Variants in LRRC37A2 observed in about 807,000 individuals in gnomAD.
LRRC37A2 encodes the protein leucine rich repeat containing 37 member A2.
A neutral mutation model predicts 68.8 loss-of-function variants in LRRC37A2; 9 were observed. The observed-to-expected ratio is 0.13, with a 90% confidence interval of 0.08 to 0.23. LRRC37A2 has a LOEUF of 0.23. Ranked by LOEUF, LRRC37A2 falls within the 10% of genes least tolerant of loss-of-function variation. LRRC37A2 has a pLI of 1.00. For missense variants in LRRC37A2, 168 were observed against 950.4 expected (o/e 0.18, Z 10.82); for synonymous variants, 63 against 367.6 (o/e 0.17, Z 9.48).
chr17:46,550,956 C>T (rs532589283), intron 11 of LRRC37A2, among the ~76,000 whole-genome samples: 3 of 149,370 alleles, frequency 2.0e-5, no homozygotes, highest in African/African-American at 7.7e-5. Flanking sequence ...GTCTTGTAGA[C>T]TTATTAGATT....
chr17:46,939,308 T>C, the LRRC37A2 span: 3 of 1,013,182 alleles, frequency 3.0e-6, no homozygotes, highest in East Asian at 1.7e-4. Flanking sequence ...CCAATACTTG[T>C]CACCATTCCC....
chr17:46,881,897 C>T, the LRRC37A2 span, among the ~76,000 whole-genome samples: 1 of 152,222 alleles, frequency 6.6e-6, no homozygotes, highest in Non-Finnish European at 1.5e-5. Context: ...AACAGAACCA[C>T]AAGGCCATCA....
chr17:46,951,178 G>C, the LRRC37A2 span, among the ~76,000 whole-genome samples: 1 of 152,162 alleles, frequency 6.6e-6, no homozygotes, highest in Non-Finnish European at 1.5e-5. Context: ...GCCAGACCAC[G>C]CTGTCCCTAG....
the LRRC37A2 span, among the ~76,000 whole-genome samples, chr17:46,915,751 T>A: frequency 2.0e-5 from 3 of 152,212 alleles, no homozygotes; most frequent in Admixed American, 2.0e-4. Context: ...GTTGGCCAAA[T>A]GCCCTGAGGC....
intron 8 of LRRC37A2, among the ~76,000 whole-genome samples, chr17:46,541,207 A>T (rs917827535): frequency 5.4e-5 from 8 of 148,430 alleles, no homozygotes; most frequent in African/African-American, 2.1e-4. Context: ...AAATGAAATC[A>T]TATAGCACAT....
the LRRC37A2 span, among the ~76,000 whole-genome samples, chr17:46,912,360 T>G: frequency 5.5e-4 from 84 of 152,346 alleles, 1 homozygote; most frequent in East Asian, 0.015. Context: ...ATTCTTTCCC[T>G]CCTCAGGGCT....
the LRRC37A2 span, among the ~76,000 whole-genome samples, chr17:46,741,028 G>T: frequency 6.6e-6 from 1 of 152,166 alleles, no homozygotes; most frequent in Non-Finnish European, 1.5e-5. Flanking sequence ...TATGGGGCTT[G>T]TGGGGGCAGG....
the LRRC37A2 span, among the ~76,000 whole-genome samples, chr17:46,467,136 T>G: frequency 1.6e-5 from 1 of 61,796 alleles, no homozygotes; most frequent in African/African-American, 8.1e-5. Context: ...AAAGACTTCA[T>G]TCTTCTATTT....
chr17:46,984,115 A>T, the LRRC37A2 span: 2 of 152,262 alleles, frequency 1.3e-5, no homozygotes, highest in Non-Finnish European at 2.9e-5. Flanking sequence ...AGTGAAACAC[A>T]TCAGTTCTTA....
chr17:46,925,897 T>C, the LRRC37A2 span, among the ~76,000 whole-genome samples: 1 of 152,310 alleles, frequency 6.6e-6, no homozygotes, highest in South Asian at 2.1e-4. Context: ...CACTTAAATG[T>C]TTAATTTAGA....
chr17:46,932,595 G>A, the LRRC37A2 span: 7 of 428,134 alleles, frequency 1.6e-5, no homozygotes, highest in South Asian at 7.2e-5. Flanking sequence ...CCATTGTGCC[G>A]AGTATGTGTG....
At chr17:46,497,638 T>A in the LRRC37A2 span, among the ~76,000 whole-genome samples, 1 of 150,612 alleles carries the variant, frequency 6.6e-6, no homozygotes, top group Non-Finnish European at 1.5e-5. Flanking sequence ...ACACTTTCAA[T>A]GTATGTAGAT....
the LRRC37A2 span, among the ~76,000 whole-genome samples, chr17:47,044,456 C>T: frequency 2.0e-5 from 3 of 150,478 alleles, no homozygotes; most frequent in Admixed American, 1.3e-4. Flanking sequence ...CTGGTTATGT[C>T]GGAGAATGCC....
At chr17:46,770,456 G>A in the LRRC37A2 span, among the ~76,000 whole-genome samples, 1 of 152,118 alleles carries the variant, frequency 6.6e-6, no homozygotes, top group African/African-American at 2.4e-5. Context: ...GCCCTCCCAC[G>A]CCTGAGTGAG....
the LRRC37A2 span, among the ~76,000 whole-genome samples, chr17:46,823,001 T>TATATGTATTTATAATAA: frequency 0.025 from 2,133 of 86,676 alleles, 137 homozygotes; most frequent in Non-Finnish European, 0.033. Flanking sequence ...TATTTATATA[T>TATATGTATTTATAATAA]ATATGTATTT....
chr17:46,739,666 G>A, the LRRC37A2 span, among the ~76,000 whole-genome samples: 1 of 151,678 alleles, frequency 6.6e-6, no homozygotes, highest in Non-Finnish European at 1.5e-5. Context: ...TTTTCCACCT[G>A]TTGGTACAAA....
the LRRC37A2 span, among the ~76,000 whole-genome samples, chr17:47,025,336 A>G: frequency 3.9e-5 from 6 of 152,342 alleles, no homozygotes; most frequent in African/African-American, 9.6e-5. Flanking sequence ...TCATTTGAAC[A>G]TCATTATTCC....
chr17:46,722,978 T>C, the LRRC37A2 span, among the ~76,000 whole-genome samples: 1 of 152,204 alleles, frequency 6.6e-6, no homozygotes, highest in South Asian at 2.1e-4. Flanking sequence ...TACTTGATAT[T>C]AAGTGACTGC....
chr17:46,661,405 ATTATT>A, the LRRC37A2 span, among the ~76,000 whole-genome samples: 1 of 97,116 alleles, frequency 1.0e-5, no homozygotes, highest in Non-Finnish European at 1.9e-5. Context: ...TATTATTATT[ATTATT>A]TTTGAGATGG....
Sources: gnomAD v4.1 joint callset for allele counts (sites outside exome capture counted in the v4.1 genomes callset) on GRCh38, gnomAD v4.1.1 for gene constraint, MANE v1.5 for transcripts, NCBI Gene and HGNC (gene_info 2026-07-23, HGNC 2026-07-21) for gene names.